The following NGEF variants were observed in gnomAD, a reference collection of about 807,000 sequenced individuals.
NGEF encodes the protein ephexin-1.
A neutral mutation model predicts 80.9 loss-of-function variants in NGEF; 31 were observed. That is an observed-to-expected ratio of 0.38 (90% CI 0.29 to 0.52). The LOEUF is 0.52. Among genes scored for constraint, NGEF ranks in the 20% least tolerant of loss-of-function variants. The pLI, the probability that NGEF is intolerant of heterozygous loss-of-function variation, is 0.84. For missense variants in NGEF, 709 were observed against 926.2 expected (o/e 0.77, Z 3.04); for synonymous variants, 371 against 370.2 (o/e 1.00, Z -0.03).
rs528525491 is a variant in NGEF, at chr2:232,979,919, G to A, written c.-74-4955C>T. ...ACCTTAGCCAAGCCTCGCAACTTCC[G>A]CATGAGTCAATGTGATAATTACTCC... On this transcript the variant is annotated intron_variant, in intron 1 of 14. Coordinates refer to ENST00000264051, the MANE Select transcript of NGEF (RefSeq NM_019850.3). 6.0e-5 allele frequency among the ~76,000 whole-genome samples: 9 copies of A among 151,196 alleles called. No homozygotes were observed. The South Asian group carries it at 1.7e-3, about 28-fold the overall frequency.
Position 232,879,438 on chromosome 2 carries a change from T to G in NGEF, c.*51A>C. ...TCCCAGAGCCCCCCCCCCCCCACCT[T>G]CTGTCGGGGTCTCATGCAGGCCCTG... On this transcript the variant is annotated 3_prime_UTR_variant, in exon 15 of 15. Coordinates refer to ENST00000264051, the MANE Select transcript of NGEF (RefSeq NM_019850.3). 11 of 1,112,820 alleles carry G rather than the reference T, an allele frequency of 9.9e-6. No homozygotes were observed. The highest frequency in any genetic ancestry group is 1.4e-5 in the Non-Finnish European group (11 of 800,874). 68.9% of individuals were successfully genotyped at this position (1,112,820 alleles called of 1,614,324 possible). A position where few individuals can be genotyped will look rare whatever the true frequency, so the allele number is the denominator to read the frequency against.
At chr2:232,994,902 TAC>T (rs1694745466) in intron 1 of NGEF, among the ~76,000 whole-genome samples, 3 of 147,960 alleles carry the variant, frequency 2.0e-5, no homozygotes, top group Non-Finnish European at 4.5e-5. Flanking sequence ...ATATAATACA[TAC>T]ATACACATGT....
intron 9 of NGEF, among the ~76,000 whole-genome samples, chr2:232,886,288 G>C (rs1691688661): frequency 1.4e-5 from 2 of 146,410 alleles, no homozygotes; most frequent in South Asian, 4.3e-4. Context: ...ATGTGTGTGT[G>C]CGTGCTGTGT....
intron 5 of NGEF, among the ~76,000 whole-genome samples, chr2:232,918,262 T>C (rs1692854744): frequency 6.6e-6 from 1 of 152,158 alleles, no homozygotes; most frequent in Non-Finnish European, 1.5e-5. Flanking sequence ...CTGGCTTACC[T>C]GGCTAATTTT....
At chr2:232,905,036 T>A (rs961079356) in intron 5 of NGEF, among the ~76,000 whole-genome samples, 6 of 152,218 alleles carry the variant, frequency 3.9e-5, no homozygotes, top group Admixed American at 6.5e-5. Flanking sequence ...TAATTTTTAC[T>A]TTAAAAGGAG....
Position 232,879,633 on chromosome 2 carries a change from G to T in NGEF, c.1989C>A (p.Phe663Leu), listed in dbSNP as rs1251924783. Residue 663 changes from phenylalanine (F) to leucine (L), a missense_variant, in exon 15 of 15, where the codon TTC becomes TTA. Phe to Leu is a conservative substitution (Grantham distance 22). Transcript: ENST00000264051. The part of the protein sequence containing the change: ...ERLHDQERGW[F>L]PSSMTEEILN... ...AGATCTCCTCAGTCATGGAGCTGGGGAACCAGCCTCTCTCCTGGTCGTGCA... is the reference window on the plus strand; with the variant it reads ...AGATCTCCTCAGTCATGGAGCTGGGTAACCAGCCTCTCTCCTGGTCGTGCA... 1.2e-6 allele frequency: 2 copies of T among 1,613,286 alleles called. No homozygotes were observed. The highest frequency in any genetic ancestry group is 3.3e-5 in the Admixed American group (2 of 60,012).
At chr2:232,993,166 T>TAA (rs1553559476) in intron 1 of NGEF, among the ~76,000 whole-genome samples, 4 of 93,892 alleles carry the variant, frequency 4.3e-5, no homozygotes, top group African/African-American at 1.4e-4. Flanking sequence ...TATATATATA[T>TAA]TATATATATA....
At chr2:232,993,100 TAA>T (rs1420412525) in intron 1 of NGEF, among the ~76,000 whole-genome samples, 1 of 45,574 alleles carries the variant, frequency 2.2e-5, no homozygotes, top group Non-Finnish European at 5.7e-5. Flanking sequence ...TATATATAAA[TAA>T]ATAAATATAT....
At chr2:232,981,960 G>A (rs530624527) in intron 1 of NGEF, among the ~76,000 whole-genome samples, 12 of 152,300 alleles carry the variant, frequency 7.9e-5, no homozygotes, top group African/African-American at 2.9e-4. Flanking sequence ...GCTCGCAGGG[G>A]CCACCAGAGG....
intron 1 of NGEF, among the ~76,000 whole-genome samples, chr2:232,988,887 A>C (rs1694595728): frequency 6.6e-6 from 1 of 152,242 alleles, no homozygotes; most frequent in Admixed American, 6.5e-5. Flanking sequence ...GGAAAAATCC[A>C]GAAAAAAAGC....
intron 5 of NGEF, chr2:232,901,500 T>A: frequency 1.1e-6 from 1 of 940,990 alleles, no homozygotes; most frequent in Non-Finnish European, 1.3e-6. Flanking sequence ...TGACCTTCGA[T>A]GCGTTGTTGC....
rs750941373 is a variant in NGEF at position 232,881,186 on chromosome 2, C to T, written c.1902G>A (p.Glu634=). The change falls in exon 14 of 15, where the codon GAG becomes GAA. Residue 634 remains glutamate, a synonymous_variant. Coordinates refer to ENST00000264051, the MANE Select transcript of NGEF (RefSeq NM_019850.3). The part of the protein sequence containing the change: ...VAQQPDELTL[E]LADILNILDK... ...CCAGGATGTTGAGGATGTCGGCGAG[C>T]TCCAGCGTCAGCTCGTCTGGCTGCT... 7 of 1,612,176 alleles carry T rather than the reference C, an allele frequency of 4.3e-6. No individual in the cohort carries two copies. Among genetic ancestry groups the T allele is most frequent in the Non-Finnish European group, 5.9e-6 (7 of 1,179,992 alleles).
At chr2:232,935,566 G>A (rs977834456) in intron 3 of NGEF, among the ~76,000 whole-genome samples, 2 of 151,940 alleles carry the variant, frequency 1.3e-5, no homozygotes, top group African/African-American at 2.4e-5. Flanking sequence ...TACAGTGAGC[G>A]GAGATCACAC....
At chr2:232,997,571 G>C (rs1164077331) in intron 1 of NGEF, among the ~76,000 whole-genome samples, 1 of 152,088 alleles carries the variant, frequency 6.6e-6, no homozygotes, top group African/African-American at 2.4e-5. Context: ...TCTGCTCACG[G>C]CACCAGTCGA....
At chr2:232,996,845 T>C (rs1031697579) in intron 1 of NGEF, among the ~76,000 whole-genome samples, 1 of 152,180 alleles carries the variant, frequency 6.6e-6, no homozygotes, top group Non-Finnish European at 1.5e-5. Flanking sequence ...TTTAGCAGGA[T>C]ACATAAAGAG....
chr2:232,895,329 C>G (rs1692022263), intron 5 of NGEF, among the ~76,000 whole-genome samples: 1 of 152,066 alleles, frequency 6.6e-6, no homozygotes, highest in Non-Finnish European at 1.5e-5. Context: ...GAGTTCAAGA[C>G]CACCCTGGCC....
chr2:232,883,097 A>ACGTACACG (rs1377084131), intron 12 of NGEF, among the ~76,000 whole-genome samples: 4 of 151,510 alleles, frequency 2.6e-5, no homozygotes, highest in Non-Finnish European at 4.4e-5. Context: ...ACACGCACAC[A>ACGTACACG]CGTACACGCG....
At position 232,904,175 on chromosome 2, in the gene NGEF, G is replaced by A. The variant is rs566457533; in HGVS notation, c.829-9259C>T. 1.2e-3 allele frequency among the ~76,000 whole-genome samples: 187 copies of A among 152,164 alleles called. 1 individual carries two copies. The highest frequency in any genetic ancestry group is 4.2e-3 in the African/African-American group (175 of 41,518). ...AGTCCTGTCTGGGCATGGGGGGACC[G>A]AGCCACACCCCACAGCCTGGGCAGG... On this transcript the variant is annotated intron_variant, in intron 5 of 14. Coordinates refer to ENST00000264051, the MANE Select transcript of NGEF (RefSeq NM_019850.3).
chr2:232,920,924 G>A (rs1209560652), intron 4 of NGEF, among the ~76,000 whole-genome samples: 1 of 152,212 alleles, frequency 6.6e-6, no homozygotes, highest in African/African-American at 2.4e-5. Flanking sequence ...TGATGGGAAT[G>A]TCCCAACTGT....
Sources: allele counts gnomAD v4.1 joint callset (sites outside exome capture counted in the v4.1 genomes callset), GRCh38; gene constraint gnomAD v4.1.1; transcripts MANE v1.5; gene names NCBI Gene and HGNC (gene_info 2026-07-23, HGNC 2026-07-21).